Variants in ME1 observed in about 807,000 individuals in gnomAD.
ME1 encodes the protein malic enzyme 1.
Under a neutral mutation model 66.4 loss-of-function variants are expected in ME1, and 74 were observed. The observed-to-expected ratio is 1.11, with a 90% CI of 0.92 to 1.35. The LOEUF (loss-of-function observed/expected upper bound fraction) is 1.35, where lower values mean the gene tolerates loss of function less well. Ranked by LOEUF, ME1 falls within the 40% of genes most tolerant of loss-of-function variation. ME1 has a pLI of 0.00. For missense variants in ME1, 750 were observed against 694.1 expected (o/e 1.08, Z -0.90); for synonymous variants, 251 against 235.6 (o/e 1.07, Z -0.60).
intron 3 of ME1, among the ~76,000 whole-genome samples, chr6:83,383,401 A>G (rs1769445202): frequency 6.6e-6 from 1 of 151,964 alleles, no homozygotes; most frequent in Non-Finnish European, 1.5e-5. Flanking sequence ...CTCAAAATGT[A>G]CAGAAAATAA....
intron 3 of ME1, among the ~76,000 whole-genome samples, chr6:83,388,124 C>A (rs1769549761): frequency 7.5e-6 from 1 of 133,636 alleles, no homozygotes; most frequent in Non-Finnish European, 1.6e-5. Context: ...CACTCTGTCC[C>A]ACAGGCTAGA....
chr6:83,215,752 C>T (rs193133293), intron 13 of ME1, among the ~76,000 whole-genome samples: 7 of 152,282 alleles, frequency 4.6e-5, no homozygotes, highest in Non-Finnish European at 1.5e-5. Flanking sequence ...AACCTGCAAA[C>T]ATCTTTATCT....
chr6:83,396,651 G>A, intron 3 of ME1, among the ~76,000 whole-genome samples: 1 of 151,662 alleles, frequency 6.6e-6, no homozygotes, highest in African/African-American at 2.4e-5. Flanking sequence ...ACCACAAAAG[G>A]CCCCAAATGT....
rs562068670 is a variant in ME1 at position 83,345,294 on chromosome 6, T to C, written c.600+879A>G. ...ATGCCAGATAAGCAATGTATTTTTA[T>C]TAAAATGTATCCTTTGATAAAGGTT... On this transcript the variant is annotated intron_variant, in intron 5 of 13. Coordinates refer to ENST00000369705, the MANE Select transcript of ME1 (RefSeq NM_002395.6). Among the ~76,000 whole-genome samples, 5 of 152,368 alleles carry C rather than the reference T, an allele frequency of 3.3e-5. No homozygotes were observed. The East Asian group carries it at 9.6e-4, about 29-fold the overall frequency.
intron 3 of ME1, among the ~76,000 whole-genome samples, chr6:83,373,550 A>G (rs559652184): frequency 4.1e-4 from 62 of 152,360 alleles, no homozygotes; most frequent in Non-Finnish European, 7.9e-4. Context: ...CATTAAATAC[A>G]TAGAAAGTTT....
At chr6:83,374,980 G>A (rs906596956) in intron 3 of ME1, among the ~76,000 whole-genome samples, 15 of 152,150 alleles carry the variant, frequency 9.9e-5, no homozygotes, top group African/African-American at 3.4e-4. Context: ...CTAGCACTAT[G>A]CTGTTGTTGT....
At position 83,340,566 on chromosome 6, in the gene ME1, T is replaced by G. The variant is rs191941854; in HGVS notation, c.600+5607A>C. ...TCTAAATGTATTAAACCATGACACC[T>G]CTATGAGGTAAGTACTCATTTTACA... is the stretch of plus-strand genomic sequence containing the variant. On this transcript the variant is annotated intron_variant, in intron 5 of 13. Coordinates refer to ENST00000369705, the MANE Select transcript of ME1 (RefSeq NM_002395.6). Among the ~76,000 whole-genome samples, 6 of 152,278 alleles carry G rather than the reference T, an allele frequency of 3.9e-5. No individual in the cohort carries two copies. In the East Asian group the frequency reaches 1.2e-3, roughly 29 times the overall value.
intron 3 of ME1, among the ~76,000 whole-genome samples, chr6:83,385,907 A>G (rs1769495277): frequency 6.6e-6 from 1 of 151,892 alleles, no homozygotes; most frequent in South Asian, 2.1e-4. Flanking sequence ...AGAAATCATC[A>G]TCTATATCTC....
chr6:83,353,124 C>T (rs568385494), intron 3 of ME1, among the ~76,000 whole-genome samples: 1 of 152,212 alleles, frequency 6.6e-6, no homozygotes, highest in South Asian at 2.1e-4. Flanking sequence ...TAATTACATC[C>T]CTATGATATA....
chr6:83,365,515 C>A (rs138597830), intron 3 of ME1, among the ~76,000 whole-genome samples: 1 of 152,202 alleles, frequency 6.6e-6, no homozygotes. Flanking sequence ...TTGCTGTTAT[C>A]TCCAAGGAAC....
chr6:83,317,870 C>A (rs1165804514), intron 5 of ME1, among the ~76,000 whole-genome samples: 8 of 152,228 alleles, frequency 5.3e-5, no homozygotes, highest in African/African-American at 1.7e-4. Flanking sequence ...AAGAACAAAG[C>A]TGGAGGCATC....
Position 83,407,999 on chromosome 6 carries a change from A to G in ME1, c.79-98T>C. 7 of 1,380,394 alleles carry G rather than the reference A, an allele frequency of 5.1e-6. No individual in the cohort carries two copies. The South Asian group carries it at 1.2e-4, about 24-fold the overall frequency. 85.5% of individuals were successfully genotyped at this position (1,380,394 alleles called of 1,614,324 possible). A position where few individuals can be genotyped will look rare whatever the true frequency, so the allele number is the denominator to read the frequency against. ...ATCTGACAAGTATATGCAATTAAAA[A>G]TCCGAAGTCTGCGTCACTGGAAGCA... On this transcript the variant is annotated intron_variant, in intron 1 of 13. Transcript: ENST00000369705.
chr6:83,257,885 A>G (rs1489698604), intron 6 of ME1, among the ~76,000 whole-genome samples: 2 of 152,132 alleles, frequency 1.3e-5, no homozygotes, highest in South Asian at 2.1e-4. Context: ...TTTGCTCCCA[A>G]TGTATCATAT....
At chr6:83,259,571 T>A (rs1368185944) in intron 6 of ME1, among the ~76,000 whole-genome samples, 1 of 152,158 alleles carries the variant, frequency 6.6e-6, no homozygotes, top group East Asian at 1.9e-4. Context: ...AGATCAGTAT[T>A]GGTTGCTGAA....
chr6:83,390,501 A>G lies in ME1; in HGVS notation c.362+7866T>C, dbSNP rs181916384. On this transcript the variant is annotated intron_variant, in intron 3 of 13. Coordinates refer to ENST00000369705, the MANE Select transcript of ME1 (RefSeq NM_002395.6). ...CACAATTCCCTTTCTAATTAAATACAACACCTAAATTTAAGCCACATAACA... is the reference window on the plus strand; with the variant it reads ...CACAATTCCCTTTCTAATTAAATACGACACCTAAATTTAAGCCACATAACA... Among the ~76,000 whole-genome samples the G allele has an allele frequency of 7.2e-5, 11 of 152,270 alleles. No homozygotes were observed. The East Asian group carries it at 2.1e-3, about 29-fold the overall frequency.
intron 6 of ME1, among the ~76,000 whole-genome samples, chr6:83,282,280 A>T (rs1323455332): frequency 6.6e-6 from 1 of 152,244 alleles, no homozygotes; most frequent in Non-Finnish European, 1.5e-5. Flanking sequence ...AATTAAACTG[A>T]AGGGCTTCTG....
chr6:83,260,075 A>G (rs1178106779), intron 6 of ME1, among the ~76,000 whole-genome samples: 2 of 152,124 alleles, frequency 1.3e-5, no homozygotes, highest in Non-Finnish European at 2.9e-5. Context: ...AGAATGAGAG[A>G]TAAATAATTA....
chr6:83,388,037 A>C (rs1769545557), intron 3 of ME1, among the ~76,000 whole-genome samples: 1 of 151,682 alleles, frequency 6.6e-6, no homozygotes, highest in Admixed American at 6.6e-5. Context: ...ATGTCCCAAA[A>C]ATAAACTTTC....
At chr6:83,398,787 T>C (rs1398822104) in intron 2 of ME1, among the ~76,000 whole-genome samples, 1 of 151,798 alleles carries the variant, frequency 6.6e-6, no homozygotes, top group African/African-American at 2.4e-5. Context: ...CTGGCCAACA[T>C]GGTGAAACTC....
Sources: allele counts gnomAD v4.1 joint callset (sites outside exome capture counted in the v4.1 genomes callset), GRCh38; gene constraint gnomAD v4.1.1; transcripts MANE v1.5; gene names NCBI Gene and HGNC (gene_info 2026-07-23, HGNC 2026-07-21).